The following MAK variants were observed in gnomAD, a reference collection of about 807,000 sequenced individuals.
MAK encodes male germ cell associated kinase.
A neutral mutation model predicts 82.6 loss-of-function variants in MAK; 65 were observed. That is an observed-to-expected ratio of 0.79 (90% CI 0.64 to 0.97). MAK has a LOEUF of 0.97. Among genes scored for constraint, MAK ranks in the 50% least tolerant of loss-of-function variants. The pLI is 0.00. For synonymous variants in MAK, 250 were observed against 274.2 expected (o/e 0.91, Z 0.87); for missense variants, 703 against 780.2 (o/e 0.90, Z 1.18).
At chr6:10,784,012 C>G (rs1774280863) in intron 11 of MAK, among the ~76,000 whole-genome samples, 2 of 151,948 alleles carry the variant, frequency 1.3e-5, no homozygotes, top group Middle Eastern at 3.2e-3. Flanking sequence ...GAGCGAGAAT[C>G]TGTCTCAAAA....
intron 1 of MAK, among the ~76,000 whole-genome samples, chr6:10,831,174 G>A (rs1778786303): frequency 6.6e-6 from 1 of 151,952 alleles, no homozygotes; most frequent in Non-Finnish European, 1.5e-5. Flanking sequence ...ATCAGACCTT[G>A]GAAAATTGAT....
chr6:10,769,351 A>G (rs186654963), intron 14 of MAK, among the ~76,000 whole-genome samples: 1 of 152,346 alleles, frequency 6.6e-6, no homozygotes, highest in African/African-American at 2.4e-5. Flanking sequence ...AAGACCATTC[A>G]TGGTCAAATC....
intron 1 of MAK, among the ~76,000 whole-genome samples, chr6:10,832,491 G>A (rs546400212): frequency 6.6e-6 from 1 of 152,308 alleles, no homozygotes; most frequent in East Asian, 1.9e-4. Flanking sequence ...ACCTTCAGCA[G>A]CCACCACCCT....
At chr6:10,818,633 T>G (rs991876716) in intron 3 of MAK, among the ~76,000 whole-genome samples, 45 of 149,144 alleles carry the variant, frequency 3.0e-4, no homozygotes, top group African/African-American at 1.1e-3. Flanking sequence ...AAAAAAAAAG[T>G]TGTCTTTGCA....
chr6:10,803,660 G>A, intron 7 of MAK, 60 bp downstream of exon 7: 1 of 1,426,128 alleles, frequency 7.0e-7, no homozygotes, highest in East Asian at 2.3e-5. Context: ...AAAATTAAAA[G>A]CAAAGTAGCA....
At chr6:10,773,488 A>G (rs974088644) in intron 12 of MAK, among the ~76,000 whole-genome samples, 1 of 152,206 alleles carries the variant, frequency 6.6e-6, no homozygotes, top group Non-Finnish European at 1.5e-5. Context: ...TCACATCAGA[A>G]TATCTCACTA....
chr6:10,825,142 A>G (rs1778269760), intron 2 of MAK, among the ~76,000 whole-genome samples: 1 of 152,296 alleles, frequency 6.6e-6, no homozygotes, highest in Non-Finnish European at 1.5e-5. Flanking sequence ...CTCCTTGAAC[A>G]TGGACGTAAT....
intron 2 of MAK, among the ~76,000 whole-genome samples, chr6:10,819,962 A>C (rs1412105782): frequency 6.6e-6 from 1 of 151,678 alleles, no homozygotes; most frequent in Non-Finnish European, 1.5e-5. Flanking sequence ...AATACAAAAA[A>C]TTAGCCAGGC....
At chr6:10,821,847 TAA>T (rs758550193) in intron 2 of MAK, among the ~76,000 whole-genome samples, 6 of 129,992 alleles carry the variant, frequency 4.6e-5, no homozygotes, top group Admixed American at 7.7e-5. Context: ...CTTTGTCTCT[TAA>T]AAAAAAAAAA....
At chr6:10,778,467 C>T (rs1487078221) in intron 11 of MAK, among the ~76,000 whole-genome samples, 2 of 152,108 alleles carry the variant, frequency 1.3e-5, no homozygotes, top group Non-Finnish European at 1.5e-5. Flanking sequence ...CAGACCTTGG[C>T]GATGACCTTC....
At chr6:10,784,813 A>C in intron 10 of MAK, 3 of 647,272 alleles carry the variant, frequency 4.6e-6, no homozygotes, top group Non-Finnish European at 8.6e-6. Flanking sequence ...ACTGAGCAGC[A>C]ATTTACTTGT....
intron 2 of MAK, among the ~76,000 whole-genome samples, chr6:10,826,872 G>A (rs1778409749): frequency 6.6e-6 from 1 of 152,202 alleles, no homozygotes; most frequent in African/African-American, 2.4e-5. Context: ...AGCACTTTGG[G>A]AGGCTGAGAC....
chr6:10,823,383 G>A (rs1265793935), intron 2 of MAK, among the ~76,000 whole-genome samples: 1 of 151,972 alleles, frequency 6.6e-6, no homozygotes, highest in African/African-American at 2.4e-5. Flanking sequence ...CCCGACACCG[G>A]CTCTTTTGTT....
chr6:10,830,896 G>A lies in MAK; in HGVS notation c.-229-19C>T. On this transcript the variant is annotated intron_variant, in intron 1 of 14. Transcript: ENST00000354489. ...AAACACCCTAAAGAAAGAAAACAAG[G>A]ATATCATGAATTTTCATTAACAAGT... The A allele has an allele frequency of 2.2e-6, 1 of 464,192 alleles. No individual in the cohort carries two copies. Among genetic ancestry groups the A allele is most frequent in the Non-Finnish European group, 3.9e-6 (1 of 253,954 alleles). 28.8% of individuals were successfully genotyped at this position (464,192 alleles called of 1,614,324 possible). A position where few individuals can be genotyped will look rare whatever the true frequency, so the allele number is the denominator to read the frequency against.
At chr6:10,833,213 A>C (rs1778933805) in intron 1 of MAK, among the ~76,000 whole-genome samples, 1 of 152,236 alleles carries the variant, frequency 6.6e-6, no homozygotes, top group Admixed American at 6.5e-5. Context: ...AGCAGACATA[A>C]ACGTGCAGAG....
rs1363904351 is a variant in MAK, at chr6:10,776,883, G to C, written c.1466-1424C>G. 2.0e-5 allele frequency among the ~76,000 whole-genome samples: 3 copies of C among 150,980 alleles called. No individual in the cohort carries two copies. The highest frequency in any genetic ancestry group is 4.4e-5 in the Non-Finnish European group (3 of 67,824). ...GGGCGGATCACGAGGTCAGGAGTTT[G>C]AGACCAGCTTGGCCAACATAGTGAA... On this transcript the variant is annotated intron_variant, in intron 11 of 14. Transcript: ENST00000354489. The surrounding 1 kb of genome is among the most constrained non-coding windows in gnomAD (Gnocchi z 4.3).
chr6:10,775,122 A>G (rs1267794297), intron 12 of MAK, among the ~76,000 whole-genome samples: 2 of 152,146 alleles, frequency 1.3e-5, no homozygotes, highest in Admixed American at 6.6e-5. Flanking sequence ...TCATCCAGCT[A>G]CAAACAGTTT....
chr6:10,781,454 C>T (rs1773960064), intron 11 of MAK, among the ~76,000 whole-genome samples: 2 of 143,456 alleles, frequency 1.4e-5, no homozygotes, highest in Non-Finnish European at 3.0e-5. Context: ...GACAGAGTCT[C>T]ACTCTGTCAC....
chr6:10,810,097 C>CAAAA (rs1289360594), intron 5 of MAK, among the ~76,000 whole-genome samples: 6 of 35,868 alleles, frequency 1.7e-4, no homozygotes, highest in South Asian at 8.2e-4. Context: ...GACACTGTCT[C>CAAAA]AAAAAAAAAA....
Sources: gnomAD v4.1 joint callset for allele counts (sites outside exome capture counted in the v4.1 genomes callset) on GRCh38, gnomAD v4.1.1 for gene constraint, Gnocchi (gnomAD v3.1) non-coding constraint, MANE v1.5 for transcripts, NCBI Gene and HGNC (gene_info 2026-07-23, HGNC 2026-07-21) for gene names.